DERL3: variants seen among roughly 807,000 people sequenced by gnomAD.
The protein encoded by DERL3 is derlin 3.
A neutral mutation model predicts 23.8 loss-of-function variants in DERL3; 20 were observed. The observed-to-expected ratio is 0.84, with a 90% CI of 0.59 to 1.22. The LOEUF is 1.22. DERL3 is among the 50% of genes most tolerant of loss of function. DERL3 has a pLI of 0.00. For synonymous variants in DERL3, 145 were observed against 132.5 expected (o/e 1.09, Z -0.65); for missense variants, 319 against 304.1 (o/e 1.05, Z -0.36).
chr22:23,836,367 GA>G lies in DERL3; in HGVS notation c.*501del. Reference sequence around the variant, plus strand: ...ATCAGCCTGAAGGCACCACTGGCAGGAACATCTGTAGGCTGGTTTGGCACAA... The same window carrying G: ...ATCAGCCTGAAGGCACCACTGGCAGGACATCTGTAGGCTGGTTTGGCACAA... On this transcript the variant is annotated 3_prime_UTR_variant, in exon 7 of 7. Transcript: ENST00000318109. The G allele has an allele frequency of 1.0e-6, 1 of 985,456 alleles. No individual in the cohort carries two copies. The highest frequency in any genetic ancestry group is 4.7e-5 in the South Asian group (1 of 21,294). The allele number at this position is 985,456 out of a possible 1,614,324, so 61.0% of individuals were successfully genotyped here. A position where few individuals can be genotyped will look rare whatever the true frequency, so the allele number is the denominator to read the frequency against.
intron 5 of DERL3, 114 bp from the exon 6 acceptor site, chr22:23,837,268 T>C: frequency 7.5e-7 from 1 of 1,338,070 alleles, no homozygotes; most frequent in Admixed American, 2.3e-5. Flanking sequence ...CCCCACAGCA[T>C]GAGTGCCCCA....
Position 23,836,215 on chromosome 22 carries a change from G to A in DERL3, c.*654C>T. 1 of 985,446 alleles carries A rather than the reference G, an allele frequency of 1.0e-6. No individual in the cohort carries two copies. 61.0% of individuals were successfully genotyped at this position (985,446 alleles called of 1,614,324 possible). On this transcript the variant is annotated 3_prime_UTR_variant, in exon 7 of 7. Transcript: ENST00000318109. ...CTTAGGCTCTGAGGTCATAGAAAGG[G>A]CAGAAGACCTAGTCCTGGCCCTCTT...
Position 23,834,763 on chromosome 22 carries a change from G to A in DERL3, c.*2106C>T. ...AGAGAGCTGAGAAGAGTAGCTGTGA[G>A]GCTCAGGGCAAGAGGCTCTCTGCCT... On this transcript the variant is annotated 3_prime_UTR_variant, in exon 7 of 7. Coordinates refer to ENST00000318109, the MANE Select transcript of DERL3 (RefSeq NM_001002862.3). 7.1e-7 allele frequency: 1 copy of A among 1,414,430 alleles called. No individual in the cohort carries two copies. The highest frequency in any genetic ancestry group is 9.2e-7 in the Non-Finnish European group (1 of 1,087,400). The allele number at this position is 1,414,430 out of a possible 1,614,324, so 87.6% of individuals were successfully genotyped here.
intron 5 of DERL3, 72 bp downstream of exon 5, chr22:23,837,585 GCC>G: frequency 6.7e-7 from 1 of 1,495,230 alleles, no homozygotes; most frequent in Non-Finnish European, 9.1e-7. Context: ...TGGGAGAGGG[GCC>G]CCAGGGCATA....
rs1330643164 is a variant in DERL3, at chr22:23,835,685, G to C, written c.*1184C>G. 7 of 985,432 alleles carry C rather than the reference G, an allele frequency of 7.1e-6. No individual in the cohort carries two copies. Among genetic ancestry groups the C allele is most frequent in the Non-Finnish European group, 8.4e-6 (7 of 829,980 alleles). 61.0% of individuals were successfully genotyped at this position (985,432 alleles called of 1,614,324 possible). On this transcript the variant is annotated 3_prime_UTR_variant, in exon 7 of 7. Coordinates refer to ENST00000318109, the MANE Select transcript of DERL3 (RefSeq NM_001002862.3). ...AAGATTCCCAGCCCAGCTGCTCTTA[G>C]ACATGAACAGGTTTCATTGCTGAGG...
Position 23,837,731 on chromosome 22 carries a change from C to T in DERL3, c.451G>A (p.Ala151Thr), listed in dbSNP as rs1186068358. 3.7e-6 allele frequency: 6 copies of T among 1,613,996 alleles called. 1 individual carries two copies. Among genetic ancestry groups the T allele is most frequent in the Middle Eastern group, 1.7e-4 (1 of 6,060 alleles). The change falls in exon 5 of 7, where the codon GCA becomes ACA. Residue 151 changes from alanine (A) to threonine (T), a missense_variant. Coordinates refer to ENST00000318109, the MANE Select transcript of DERL3 (RefSeq NM_001002862.3). ...ATGAGCGCCCAAGGCAGGAACGGTG[C>T]CTGGAAAGTGAGCAGGCCGAAGAAG... is the stretch of plus-strand genomic sequence containing the variant. Reference protein sequence around the residue: ...VNFFGLLTFQAPFLPWALMGF... With the variant: ...VNFFGLLTFQTPFLPWALMGF...
intron 5 of DERL3, 22 bp from the exon 6 acceptor site, chr22:23,837,176 TG>T: frequency 6.2e-7 from 1 of 1,612,816 alleles, no homozygotes; most frequent in Non-Finnish European, 8.5e-7. Flanking sequence ...CCACGGACTG[TG>T]GGGTCACCCT....
Position 23,837,730 on chromosome 22 carries a change from G to T in DERL3, c.452C>A (p.Ala151Glu). ...CATGAGCGCCCAAGGCAGGAACGGT[G>T]CCTGGAAAGTGAGCAGGCCGAAGAA... The part of the protein sequence containing the change: ...VNFFGLLTFQ[A>E]PFLPWALMGF... The change falls in exon 5 of 7, where the codon GCA becomes GAA. Residue 151 changes from alanine to glutamate, a missense_variant. Coordinates refer to ENST00000318109, the MANE Select transcript of DERL3 (RefSeq NM_001002862.3). 1.2e-6 allele frequency: 2 copies of T among 1,614,016 alleles called. No homozygotes were observed. The highest frequency in any genetic ancestry group is 1.7e-6 in the Non-Finnish European group (2 of 1,180,008).
intron 4 of DERL3, 111 bp downstream of exon 4, chr22:23,838,241 G>A (rs912622007): frequency 1.9e-6 from 3 of 1,550,646 alleles, no homozygotes; most frequent in Non-Finnish European, 2.6e-6. Context: ...ATACTAAGCT[G>A]GAGACAGCGA....
chr22:23,835,030 G>A lies in DERL3; in HGVS notation c.*1839C>T. On this transcript the variant is annotated 3_prime_UTR_variant, in exon 7 of 7. Transcript: ENST00000318109. ...TCCAGTGGCACCCATAGCCAGGTCA[G>A]CTGGGGCCCTTTCCCACCCCAGCAG... 1 of 1,416,356 alleles carries A rather than the reference G, an allele frequency of 7.1e-7. No homozygotes were observed. The highest frequency in any genetic ancestry group is 9.2e-7 in the Non-Finnish European group (1 of 1,087,582). 87.7% of individuals were successfully genotyped at this position (1,416,356 alleles called of 1,614,324 possible).
At position 23,838,642 on chromosome 22, in the gene DERL3, G is replaced by A. The variant is rs775943104; in HGVS notation, c.160-5C>T. ...GTTGGTGACGAGCCTCCAGACCTAC[G>A]GGGGACGGGCGGTCAGGTGCGGGGT... is the stretch of plus-strand genomic sequence containing the variant. On this transcript the variant is annotated splice_polypyrimidine_tract_variant and splice_region_variant and intron_variant, in intron 2 of 6. Coordinates refer to ENST00000318109, the MANE Select transcript of DERL3 (RefSeq NM_001002862.3). 70 of 1,567,162 alleles carry A rather than the reference G, an allele frequency of 4.5e-5. No individual in the cohort carries two copies. Among genetic ancestry groups the A allele is most frequent in the Admixed American group, 1.1e-4 (6 of 52,850 alleles).
rs1054279165 is a variant in DERL3 at position 23,834,684 on chromosome 22, G to A, written c.*2185C>T. 43 of 1,207,134 alleles carry A rather than the reference G, an allele frequency of 3.6e-5. No individual in the cohort carries two copies. Among genetic ancestry groups the A allele is most frequent in the African/African-American group, 9.1e-5 (6 of 65,656 alleles). The allele number at this position is 1,207,134 out of a possible 1,614,324, so 74.8% of individuals were successfully genotyped here. ...GGCAGGTGGGGGTGAATGGGGCTCC[G>A]GGTAGCACCTCAGCTCCTCTCAGCT... is the stretch of plus-strand genomic sequence containing the variant. On this transcript the variant is annotated 3_prime_UTR_variant, in exon 7 of 7. Transcript: ENST00000318109.
In DERL3 at chr22:23,838,699, G is replaced by A. The variant is rs1376703261; in HGVS notation, c.159+12C>T. 20 of 1,549,048 alleles carry A rather than the reference G, an allele frequency of 1.3e-5. No individual in the cohort carries two copies. The highest frequency in any genetic ancestry group is 1.7e-5 in the Non-Finnish European group (19 of 1,146,048). ...GTCGGGCCCACAGGTGCGCGGCGCG[G>A]GGCGGCCTCACCTGGAACTTCCGGA... On this transcript the variant is annotated intron_variant, in intron 2 of 6. Coordinates refer to ENST00000318109, the MANE Select transcript of DERL3 (RefSeq NM_001002862.3).
At chr22:23,837,534 G>C in intron 5 of DERL3, 125 bp downstream of exon 5, 1 of 1,018,384 alleles carries the variant, frequency 9.8e-7, no homozygotes, top group South Asian at 1.6e-5. Flanking sequence ...AGGGCAGGAA[G>C]ATGGGGATGG....
chr22:23,838,448 A>T lies in DERL3; in HGVS notation c.234-3T>A, dbSNP rs2031286187. 1.3e-6 allele frequency: 2 copies of T among 1,599,976 alleles called. No homozygotes were observed. The highest frequency in any genetic ancestry group is 2.7e-5 in the African/African-American group (2 of 74,598). The stretch of plus-strand genomic sequence containing the variant: ...CCAGCATGCGGCAGTAGCGGAACCT[A>T]CGGCGTCGGTATAGGAAGTGCCACC... On this transcript the variant is annotated splice_polypyrimidine_tract_variant and splice_region_variant and intron_variant, in intron 3 of 6. Transcript: ENST00000318109.
intron 4 of DERL3, 183 bp from the exon 5 acceptor site, chr22:23,838,037 C>T (rs372042677): frequency 4.4e-6 from 6 of 1,366,052 alleles, no homozygotes; most frequent in South Asian, 1.5e-5. Flanking sequence ...CTGCCCTGCA[C>T]ACCTACAGCC....
At position 23,838,896 on chromosome 22, in the gene DERL3, A is replaced by C. The variant is rs1364493311; in HGVS notation, c.92T>G (p.Val31Gly). 9 of 1,562,558 alleles carry C rather than the reference A, an allele frequency of 5.8e-6. No individual in the cohort carries two copies. The highest frequency in any genetic ancestry group is 1.9e-5 in the Admixed American group (1 of 52,124). Residue 31 changes from valine to glycine, a missense_variant and splice_region_variant, in exon 1 of 7, where the codon GTG (valine) becomes GGG (glycine). By Grantham distance (109) the Val-to-Gly change is moderately radical. Coordinates refer to ENST00000318109, the MANE Select transcript of DERL3 (RefSeq NM_001002862.3). The part of the protein sequence containing the change: ...TAACVLTTAA[V>G]QLELLSPFQL... ...CGTCCGGTCCGCCCGGCCGCTTACC[A>C]CCGCGGCGGTGGTGAGGACACAGGC...
Position 23,834,843 on chromosome 22 carries a change from A to G in DERL3, c.*2026T>C. ...TGCTTGGCCTCAGGAAGGTGCCGCG[A>G]GCTCTCCTGCCGTCCCTGGGCCGCC... On this transcript the variant is annotated 3_prime_UTR_variant, in exon 7 of 7. Coordinates refer to ENST00000318109, the MANE Select transcript of DERL3 (RefSeq NM_001002862.3). 6.2e-7 allele frequency: 1 copy of G among 1,612,150 alleles called. No individual in the cohort carries two copies. Among genetic ancestry groups the G allele is most frequent in the Non-Finnish European group, 8.5e-7 (1 of 1,179,552 alleles).
Position 23,836,094 on chromosome 22 carries a change from A to T in DERL3, c.*775T>A. ...GAGAAAAATGAGCCACAGGGGTCGG[A>T]TAAGGCTCACACACGTCCTCAGCTA... On this transcript the variant is annotated 3_prime_UTR_variant, in exon 7 of 7. Transcript: ENST00000318109. 1.0e-6 allele frequency: 1 copy of T among 985,500 alleles called. No homozygotes were observed. Among genetic ancestry groups the T allele is most frequent in the Non-Finnish European group, 1.2e-6 (1 of 829,966 alleles). The allele number at this position is 985,500 out of a possible 1,614,324, so 61.0% of individuals were successfully genotyped here. A position where few individuals can be genotyped will look rare whatever the true frequency, so the allele number is the denominator to read the frequency against.
Sources: allele counts gnomAD v4.1 joint callset, GRCh38; gene constraint gnomAD v4.1.1; transcripts MANE v1.5; gene names NCBI Gene and HGNC (gene_info 2026-07-23, HGNC 2026-07-21).